NXPH2: variants seen among roughly 807,000 people sequenced by gnomAD.
NXPH2 encodes the protein neurexophilin 2, also known as neurexophilin-2.
NXPH2 carries 5 observed loss-of-function variants against 19.8 expected under a neutral mutation model. The observed-to-expected ratio is 0.25, with a 90% CI of 0.13 to 0.53. The LOEUF (loss-of-function observed/expected upper bound fraction) is 0.53. Among genes scored for constraint, NXPH2 ranks in the 20% least tolerant of loss-of-function variants. The pLI, the probability that NXPH2 is intolerant of heterozygous loss-of-function variation, is 0.96. For synonymous variants in NXPH2, 154 were observed against 127.4 expected (o/e 1.21, Z -1.41); for missense variants, 289 against 322.8 (o/e 0.90, Z 0.80).
At chr2:138,702,284 A>G (rs138790284) in intron 1 of NXPH2, among the ~76,000 whole-genome samples, 1,553 of 152,120 alleles carry the variant, frequency 0.01, 16 homozygotes, top group Middle Eastern at 0.034. Flanking sequence ...CCCTAGCTAA[A>G]TATTTAAGAT....
chr2:138,725,808 A>T (rs932014234), intron 1 of NXPH2, among the ~76,000 whole-genome samples: 1 of 152,208 alleles, frequency 6.6e-6, no homozygotes, highest in African/African-American at 2.4e-5. Flanking sequence ...TGCATAAAAA[A>T]TCCATTTACT....
rs544749615 is a variant in NXPH2 at position 138,691,453 on chromosome 2, C to T, written c.52-19788G>A. On this transcript the variant is annotated intron_variant, in intron 1 of 1. Coordinates refer to ENST00000272641, the MANE Select transcript of NXPH2 (RefSeq NM_007226.3). ...CATATATTAATTGACAGTCTTTTAT[C>T]AGCATGTGTGAATGATTCTGATAGT... Among the ~76,000 whole-genome samples the T allele has an allele frequency of 3.9e-5, 6 of 152,260 alleles. No individual in the cohort carries two copies. The South Asian group carries it at 1.2e-3, about 32-fold the overall frequency.
intron 1 of NXPH2, among the ~76,000 whole-genome samples, chr2:138,704,270 G>T (rs993983065): frequency 2.6e-5 from 4 of 152,200 alleles, no homozygotes; most frequent in Admixed American, 6.5e-5. Flanking sequence ...CAAGTTCTAT[G>T]GAAGGTAATG....
rs374399139 is a variant in NXPH2 at position 138,753,068 on chromosome 2, C to T, written c.51+27123G>A. 1.5e-4 allele frequency among the ~76,000 whole-genome samples: 23 copies of T among 152,276 alleles called. No individual in the cohort carries two copies. In the South Asian group the frequency reaches 4.4e-3, roughly 29 times the overall value. The stretch of plus-strand genomic sequence containing the variant: ...TTGTCTCGAAGGAAGTTATTATGCA[C>T]AGCCCACGCTTAAGTTATGTTTCCC... On this transcript the variant is annotated intron_variant, in intron 1 of 1. Coordinates refer to ENST00000272641, the MANE Select transcript of NXPH2 (RefSeq NM_007226.3).
chr2:138,749,398 A>G (rs1681792535), intron 1 of NXPH2, among the ~76,000 whole-genome samples: 1 of 152,174 alleles, frequency 6.6e-6, no homozygotes, highest in Non-Finnish European at 1.5e-5. Flanking sequence ...ATTATTAATG[A>G]TAATACCTTA....
At chr2:138,772,224 T>G (rs1049202756) in intron 1 of NXPH2, among the ~76,000 whole-genome samples, 1 of 152,234 alleles carries the variant, frequency 6.6e-6, no homozygotes, top group African/African-American at 2.4e-5. Context: ...CCACATTACT[T>G]GGCTACTAAC....
intron 1 of NXPH2, among the ~76,000 whole-genome samples, chr2:138,696,274 G>T (rs1384621463): frequency 6.6e-6 from 1 of 152,016 alleles, no homozygotes; most frequent in Non-Finnish European, 1.5e-5. Flanking sequence ...TACAGAAATA[G>T]ATATAACTCA....
rs750602353 is a variant in NXPH2 at position 138,761,214 on chromosome 2, CT to C, written c.51+18976del. On this transcript the variant is annotated intron_variant, in intron 1 of 1. Coordinates refer to ENST00000272641, the MANE Select transcript of NXPH2 (RefSeq NM_007226.3). ...ACCTCAAGTCTCCCCTACCTGAGCT[CT>C]GCCTAATAACAAATTCTTTCACCAG... Among the ~76,000 whole-genome samples the C allele has an allele frequency of 2.6e-4, 40 of 152,296 alleles. 1 individual carries two copies. The highest frequency in any genetic ancestry group is 1.0e-4 in the Non-Finnish European group (7 of 68,030).
intron 1 of NXPH2, among the ~76,000 whole-genome samples, chr2:138,679,934 G>A (rs1680547221): frequency 6.6e-6 from 1 of 152,086 alleles, no homozygotes; most frequent in Admixed American, 6.6e-5. Flanking sequence ...AGAAGAAAAA[G>A]TGGAGTGTCC....
chr2:138,686,291 G>A (rs1401655586), intron 1 of NXPH2, among the ~76,000 whole-genome samples: 4 of 151,950 alleles, frequency 2.6e-5, no homozygotes, highest in African/African-American at 7.3e-5. Context: ...ACCTCTTCCC[G>A]TATCTGTCTC....
chr2:138,723,281 T>G (rs1681307927), intron 1 of NXPH2, among the ~76,000 whole-genome samples: 1 of 152,142 alleles, frequency 6.6e-6, no homozygotes, highest in East Asian at 1.9e-4. Context: ...AGGATTTAGT[T>G]CCAGGAGGGG....
Position 138,753,076 on chromosome 2 carries a change from G to A in NXPH2, c.51+27115C>T, listed in dbSNP as rs76200973. On this transcript the variant is annotated intron_variant, in intron 1 of 1. Transcript: ENST00000272641. ...AAGGAAGTTATTATGCACAGCCCAC[G>A]CTTAAGTTATGTTTCCCCTCCTTGA... Among the ~76,000 whole-genome samples the A allele has an allele frequency of 2.6e-3, 402 of 152,152 alleles. 1 individual carries two copies. Among genetic ancestry groups the A allele is most frequent in the East Asian group, 0.018 (94 of 5,184 alleles).
intron 1 of NXPH2, among the ~76,000 whole-genome samples, chr2:138,676,001 G>C (rs910532631): frequency 6.6e-6 from 1 of 150,844 alleles, no homozygotes; most frequent in Non-Finnish European, 1.5e-5. Flanking sequence ...CTATATAAAA[G>C]CACTTTTTTT....
intron 1 of NXPH2, among the ~76,000 whole-genome samples, chr2:138,704,367 T>C (rs1210193446): frequency 6.6e-6 from 1 of 152,226 alleles, no homozygotes; most frequent in Non-Finnish European, 1.5e-5. Context: ...AGAAGTACAG[T>C]CTACAAACTA....
chr2:138,740,005 T>C (rs13413957), intron 1 of NXPH2, among the ~76,000 whole-genome samples: 4,685 of 152,262 alleles, frequency 0.031, 251 homozygotes, highest in African/African-American at 0.11. Context: ...CTCATCCCTC[T>C]ATCTCTGCTC....
At chr2:138,757,398 C>T (rs1681928769) in intron 1 of NXPH2, among the ~76,000 whole-genome samples, 2 of 152,122 alleles carry the variant, frequency 1.3e-5, no homozygotes, top group South Asian at 4.1e-4. Flanking sequence ...TTCCACCTTC[C>T]CTTGGGTCCT....
rs533720114 is a variant in NXPH2, at chr2:138,765,683, G to GT, written c.51+14507dup. On this transcript the variant is annotated intron_variant, in intron 1 of 1. Coordinates refer to ENST00000272641, the MANE Select transcript of NXPH2 (RefSeq NM_007226.3). The stretch of plus-strand genomic sequence containing the variant: ...GAGTGGAATGTAATAGCTGTAAGCT[G>GT]TTTTTTATCTCAAAAACACTGAATC... 7.2e-4 allele frequency among the ~76,000 whole-genome samples: 109 copies of GT among 152,288 alleles called. 1 individual carries two copies. Among genetic ancestry groups the GT allele is most frequent in the African/African-American group, 2.5e-3 (103 of 41,560 alleles).
chr2:138,746,870 G>C (rs1681745917), intron 1 of NXPH2, among the ~76,000 whole-genome samples: 1 of 152,116 alleles, frequency 6.6e-6, no homozygotes, highest in Non-Finnish European at 1.5e-5. Context: ...TATAAAAAAG[G>C]GTTTTGAAGC....
intron 1 of NXPH2, among the ~76,000 whole-genome samples, chr2:138,701,613 C>T (rs532947674): frequency 4.6e-5 from 7 of 152,256 alleles, no homozygotes; most frequent in East Asian, 1.9e-4. Flanking sequence ...GAGGAGATTG[C>T]GGCTTGGAGG....
Sources: allele counts gnomAD v4.1 joint callset (sites outside exome capture counted in the v4.1 genomes callset), GRCh38; gene constraint gnomAD v4.1.1; transcripts MANE v1.5; gene names NCBI Gene and HGNC (gene_info 2026-07-23, HGNC 2026-07-21).